GRID2: variants seen among roughly 807,000 people sequenced by gnomAD.
The protein encoded by GRID2 is glutamate ionotropic receptor delta type subunit 2.
Under a neutral mutation model 114.8 loss-of-function variants are expected in GRID2, and 33 were observed. The observed-to-expected ratio is 0.29, with a 90% confidence interval of 0.22 to 0.38. The LOEUF is 0.38. Among genes scored for constraint, GRID2 ranks in the 10% least tolerant of loss-of-function variants. The probability of loss-of-function intolerance (pLI) is 1.00; values close to 1 mark genes in which losing one functional copy is unlikely to be tolerated. For missense variants in GRID2, 1,184 were observed against 1,257.7 expected (o/e 0.94, Z 0.89); for synonymous variants, 505 against 449.9 (o/e 1.12, Z -1.55).
intron 12 of GRID2, among the ~76,000 whole-genome samples, chr4:93,507,251 TTTACAAGC>T (rs1265406771): frequency 3.3e-5 from 5 of 152,146 alleles, no homozygotes; most frequent in African/African-American, 1.2e-4. Context: ...TTCACCAGAC[TTTACAAGC>T]TTGAGTCTGA....
intron 14 of GRID2, among the ~76,000 whole-genome samples, chr4:93,671,709 A>G (rs896374343): frequency 1.3e-5 from 2 of 152,136 alleles, no homozygotes; most frequent in African/African-American, 4.8e-5. Flanking sequence ...TGGCTCACAC[A>G]TGTAATCCCA....
intron 2 of GRID2, among the ~76,000 whole-genome samples, chr4:92,785,124 C>G (rs1228688228): frequency 1.4e-5 from 2 of 139,324 alleles, no homozygotes; most frequent in Admixed American, 1.5e-4. Context: ...AATGATAAGT[C>G]TCTTAGTACC....
chr4:93,295,482 T>C (rs530266101), intron 8 of GRID2, among the ~76,000 whole-genome samples: 5 of 152,156 alleles, frequency 3.3e-5, no homozygotes, highest in Non-Finnish European at 7.3e-5. Context: ...GCTTATCAGA[T>C]TAGGCAAATC....
intron 14 of GRID2, among the ~76,000 whole-genome samples, chr4:93,759,330 A>G (rs1339020929): frequency 1.3e-5 from 2 of 152,174 alleles, no homozygotes; most frequent in East Asian, 1.9e-4. Flanking sequence ...AATGGGCACC[A>G]TATATTTCAA....
chr4:93,271,685 G>A (rs2149570283), intron 8 of GRID2, among the ~76,000 whole-genome samples: 1 of 152,130 alleles, frequency 6.6e-6, no homozygotes, highest in Non-Finnish European at 1.5e-5. Flanking sequence ...AAGGTCATAG[G>A]ACCTGTCTAA....
At chr4:93,497,722 A>C (rs78769313) in intron 12 of GRID2, among the ~76,000 whole-genome samples, 1 of 151,592 alleles carries the variant, frequency 6.6e-6, no homozygotes, top group Non-Finnish European at 1.5e-5. Context: ...TGTGTTGTCT[A>C]TCCCTCTGCC....
At chr4:92,502,702 T>G (rs1040517930) in intron 1 of GRID2, among the ~76,000 whole-genome samples, 65 of 124,672 alleles carry the variant, frequency 5.2e-4, no homozygotes, top group African/African-American at 1.8e-3. Flanking sequence ...TGCCATGTGA[T>G]TTCTTTTTTT....
intron 1 of GRID2, among the ~76,000 whole-genome samples, chr4:92,321,933 AC>A (rs1726336089): frequency 6.6e-6 from 1 of 152,108 alleles, no homozygotes; most frequent in African/African-American, 2.4e-5. Flanking sequence ...TACCTGCTCC[AC>A]CTCATCTGTT....
At chr4:92,938,703 A>G (rs1307592624) in intron 2 of GRID2, among the ~76,000 whole-genome samples, 1 of 145,368 alleles carries the variant, frequency 6.9e-6, no homozygotes, top group African/African-American at 2.4e-5. Context: ...TCTTAATGCT[A>G]TCCCTCCCCC....
Position 92,938,388 on chromosome 4 carries a change from C to G in GRID2, c.245-146607C>G, listed in dbSNP as rs1750826616. ...AACTATTATAAACCATCTTTCTTTTCCATGCAGTCAATTGAAATTCCCTGA... is the reference window on the plus strand; with the variant it reads ...AACTATTATAAACCATCTTTCTTTTGCATGCAGTCAATTGAAATTCCCTGA... On this transcript the variant is annotated intron_variant, in intron 2 of 15. Coordinates refer to ENST00000282020, the MANE Select transcript of GRID2 (RefSeq NM_001510.4). Among the ~76,000 whole-genome samples the G allele has an allele frequency of 1.4e-5, 2 of 146,336 alleles. 1 individual carries two copies. The highest frequency in any genetic ancestry group is 3.0e-5 in the Non-Finnish European group (2 of 66,126).
intron 2 of GRID2, among the ~76,000 whole-genome samples, chr4:92,749,530 G>C (rs1487895241): frequency 6.6e-6 from 1 of 152,028 alleles, no homozygotes; most frequent in Admixed American, 6.5e-5. Flanking sequence ...GGCCAAGATG[G>C]TCTCCATCTC....
intron 1 of GRID2, among the ~76,000 whole-genome samples, chr4:92,574,787 T>G (rs576000365): frequency 1.3e-5 from 2 of 152,132 alleles, no homozygotes; most frequent in African/African-American, 2.4e-5. Flanking sequence ...GAGAATCTGA[T>G]GATTATGTGT....
At chr4:92,686,885 T>G (rs1346559230) in intron 2 of GRID2, among the ~76,000 whole-genome samples, 2 of 152,042 alleles carry the variant, frequency 1.3e-5, no homozygotes, top group East Asian at 1.9e-4. Context: ...ATATCTAGAG[T>G]TTTTCAAAAA....
chr4:92,622,308 A>T (rs1202843397), intron 2 of GRID2, among the ~76,000 whole-genome samples: 2 of 151,762 alleles, frequency 1.3e-5, no homozygotes, highest in Non-Finnish European at 2.9e-5. Context: ...TACTGTTTTC[A>T]TGGTTAGGCA....
chr4:92,666,971 A>G (rs571276700), intron 2 of GRID2, among the ~76,000 whole-genome samples: 5 of 151,376 alleles, frequency 3.3e-5, no homozygotes, highest in Admixed American at 1.3e-4. Flanking sequence ...CACAGCCCCA[A>G]TGTTAGAGAA....
In GRID2 at chr4:93,282,426, T is replaced by G. The variant is rs905728182; in HGVS notation, c.1245+43936T>G. 1.1e-4 allele frequency: 50 copies of G among 438,776 alleles called. No individual in the cohort carries two copies. In the Admixed American group the frequency reaches 1.2e-3, roughly 10 times the overall value. The allele number at this position is 438,776 out of a possible 1,614,324, so 27.2% of individuals were successfully genotyped here. ...TCAAGGAGTCTGCATCTGGTGAGGT[T>G]CTTCTTGCTGCATCATCTTATGGAA... On this transcript the variant is annotated intron_variant, in intron 8 of 15. Transcript: ENST00000282020.
rs181678081 is a variant in GRID2 at position 93,727,084 on chromosome 4, C to G, written c.2361-42126C>G. The stretch of plus-strand genomic sequence containing the variant: ...GTGCCAGTTTTCAAAGGTAACGCTT[C>G]CAGTTTTTGCCCATTCAGTATGATA... On this transcript the variant is annotated intron_variant, in intron 14 of 15. Transcript: ENST00000282020. 1.6e-4 allele frequency among the ~76,000 whole-genome samples: 24 copies of G among 152,250 alleles called. No individual in the cohort carries two copies. In the East Asian group the frequency reaches 4.2e-3, roughly 27 times the overall value.
At chr4:92,850,381 A>G (rs930863874) in intron 2 of GRID2, among the ~76,000 whole-genome samples, 2 of 151,838 alleles carry the variant, frequency 1.3e-5, no homozygotes, top group African/African-American at 2.4e-5. Flanking sequence ...CTTTTTGTAA[A>G]CAAATGTTAC....
At chr4:93,216,498 A>C (rs750776845) in intron 5 of GRID2, among the ~76,000 whole-genome samples, 1 of 152,174 alleles carries the variant, frequency 6.6e-6, no homozygotes, top group Non-Finnish European at 1.5e-5. Flanking sequence ...ATGTAAGACA[A>C]TTGCTCCATT....
Sources: allele counts gnomAD v4.1 joint callset (sites outside exome capture counted in the v4.1 genomes callset), GRCh38; gene constraint gnomAD v4.1.1; transcripts MANE v1.5; gene names NCBI Gene and HGNC (gene_info 2026-07-23, HGNC 2026-07-21).